The following MALRD1 variants were observed in gnomAD, a reference collection of about 807,000 sequenced individuals.
The protein encoded by MALRD1 is MAM and LDL-receptor class A domain-containing protein 1.
In MALRD1, 247 loss-of-function variants were observed where a neutral mutation model predicts 242.1. That is an observed-to-expected ratio of 1.02 (90% CI 0.92 to 1.13). The LOEUF is 1.13. MALRD1 is among the 50% of genes most tolerant of loss of function. MALRD1 has a pLI of 0.00. For synonymous variants in MALRD1, 995 were observed against 866.6 expected (o/e 1.15, Z -2.60); for missense variants, 2,989 against 2,533.1 (o/e 1.18, Z -3.86).
At chr10:19,528,963 C>T (rs530220206) in intron 31 of MALRD1, among the ~76,000 whole-genome samples, 2 of 152,218 alleles carry the variant, frequency 1.3e-5, no homozygotes, top group African/African-American at 4.8e-5. Context: ...TGTAGGAATC[C>T]TCACTGAAAC....
At chr10:19,310,951 A>T (rs1842401543) in intron 21 of MALRD1, among the ~76,000 whole-genome samples, 1 of 151,470 alleles carries the variant, frequency 6.6e-6, no homozygotes, top group Admixed American at 6.6e-5. Flanking sequence ...TGACTAATTT[A>T]CTTTTTAGTC....
In MALRD1 at chr10:19,692,540, A is replaced by G. The variant is rs1352495768; in HGVS notation, c.6300A>G (p.Arg2100=). Residue 2100 remains arginine, a synonymous_variant, in exon 38 of 40, where the codon AGA becomes AGG. Coordinates refer to ENST00000454679, the MANE Select transcript of MALRD1 (RefSeq NM_001142308.3). ...TVAVLCFLAN[R]KVPIRKTEGS... ...CAGTCTTGTGTTTTCTTGCAAACAG[A>G]AAGGTACCAATAAGGTAAGTGATGC... 2 of 1,535,412 alleles carry G rather than the reference A, an allele frequency of 1.3e-6. No homozygotes were observed. Among genetic ancestry groups the G allele is most frequent in the South Asian group, 1.2e-5 (1 of 84,018 alleles).
intron 18 of MALRD1, among the ~76,000 whole-genome samples, chr10:19,243,060 T>C (rs1838862412): frequency 1.4e-5 from 2 of 139,996 alleles, no homozygotes; most frequent in Admixed American, 7.9e-5. Flanking sequence ...TTGTTTCTTT[T>C]CCCTTTTTTT....
intron 34 of MALRD1, among the ~76,000 whole-genome samples, chr10:19,598,070 A>T (rs1258562073): frequency 6.6e-6 from 1 of 152,170 alleles, no homozygotes; most frequent in Non-Finnish European, 1.5e-5. Context: ...CCAGTGCTAT[A>T]TAACGGTACT....
chr10:19,217,787 G>T (rs533743965), intron 18 of MALRD1, among the ~76,000 whole-genome samples: 2 of 152,004 alleles, frequency 1.3e-5, no homozygotes, highest in Admixed American at 1.3e-4. Flanking sequence ...GCCTCCCAAA[G>T]TGCTGGGATT....
At chr10:19,116,899 AACCT>A (rs1397989425) in intron 5 of MALRD1, among the ~76,000 whole-genome samples, 1 of 152,072 alleles carries the variant, frequency 6.6e-6, no homozygotes, top group Non-Finnish European at 1.5e-5. Context: ...GACCAGCCTC[AACCT>A]GGCCAACATG....
At chr10:19,397,574 A>G (rs947807451) in intron 28 of MALRD1, among the ~76,000 whole-genome samples, 7 of 152,066 alleles carry the variant, frequency 4.6e-5, no homozygotes, top group African/African-American at 1.4e-4. Context: ...CAACCTATTG[A>G]TTTCATTTCC....
chr10:19,567,669 T>C lies in MALRD1; in HGVS notation c.5646T>C (p.Asp1882=). ...DGNEDIFIAL[D]DISFTPECVT... ...ATGAGGACATCTTTATTGCTCTTGATGACATCTCTTTTACCCCAGAGTGTG... is the reference window on the plus strand; with the variant it reads ...ATGAGGACATCTTTATTGCTCTTGACGACATCTCTTTTACCCCAGAGTGTG... Residue 1882 remains aspartate, a synonymous_variant, in exon 33 of 40, where the codon GAT becomes GAC. Transcript: ENST00000454679. 6 of 1,550,654 alleles carry C rather than the reference T, an allele frequency of 3.9e-6. No individual in the cohort carries two copies. The highest frequency in any genetic ancestry group is 5.2e-6 in the Non-Finnish European group (6 of 1,146,904).
intron 14 of MALRD1, among the ~76,000 whole-genome samples, chr10:19,176,895 T>C (rs578098326): frequency 6.6e-6 from 1 of 151,912 alleles, no homozygotes; most frequent in South Asian, 2.1e-4. Flanking sequence ...TGTGCATGGG[T>C]GTGTGCATGC....
chr10:19,285,019 T>C (rs1841035167), intron 21 of MALRD1, among the ~76,000 whole-genome samples: 1 of 96,690 alleles, frequency 1.0e-5, no homozygotes, highest in Non-Finnish European at 1.9e-5. Flanking sequence ...TGAGCATTTT[T>C]TCATGTGTTT....
At chr10:19,121,975 C>T (rs1030444372) in intron 5 of MALRD1, among the ~76,000 whole-genome samples, 75 of 152,118 alleles carry the variant, frequency 4.9e-4, no homozygotes, top group African/African-American at 1.8e-3. Flanking sequence ...GTCATGAATA[C>T]GAAGTCATTT....
At chr10:19,687,523 A>G (rs1029592256) in intron 36 of MALRD1, among the ~76,000 whole-genome samples, 10 of 152,124 alleles carry the variant, frequency 6.6e-5, no homozygotes, top group African/African-American at 1.9e-4. Context: ...AAACCCACTG[A>G]ATTACCTTCA....
intron 5 of MALRD1, among the ~76,000 whole-genome samples, chr10:19,120,065 A>G (rs890527372): frequency 6.6e-6 from 1 of 152,088 alleles, no homozygotes; most frequent in African/African-American, 2.4e-5. Flanking sequence ...CTGAGGTATA[A>G]TTTTATGAGT....
intron 32 of MALRD1, among the ~76,000 whole-genome samples, chr10:19,560,475 TA>T (rs1835914464): frequency 6.6e-6 from 1 of 151,482 alleles, no homozygotes; most frequent in Admixed American, 6.6e-5. Context: ...TCTGAAAAAA[TA>T]AAATAAAATA....
intron 39 of MALRD1, 133 bp from the exon 40 acceptor site, chr10:19,734,024 A>C: frequency 1.6e-6 from 1 of 639,258 alleles, no homozygotes. Flanking sequence ...CTGGAAGAAG[A>C]GTCAGGGATG....
At chr10:19,702,334 A>C (rs1166097378) in intron 38 of MALRD1, among the ~76,000 whole-genome samples, 1 of 152,170 alleles carries the variant, frequency 6.6e-6, no homozygotes, top group Non-Finnish European at 1.5e-5. Flanking sequence ...GCATATGACT[A>C]TTCATGCCCT....
At chr10:19,271,954 T>C (rs946926636) in intron 19 of MALRD1, among the ~76,000 whole-genome samples, 1 of 152,102 alleles carries the variant, frequency 6.6e-6, no homozygotes, top group African/African-American at 2.4e-5. Context: ...ACTGGAGGCT[T>C]CAAAACTATC....
At chr10:19,180,925 A>C (rs989372139) in intron 14 of MALRD1, among the ~76,000 whole-genome samples, 2 of 152,344 alleles carry the variant, frequency 1.3e-5, no homozygotes, top group South Asian at 4.1e-4. Flanking sequence ...TCTCCACAGA[A>C]GACATAAAAA....
At chr10:19,059,420 C>T (rs1352140902) in intron 1 of MALRD1, among the ~76,000 whole-genome samples, 2 of 152,090 alleles carry the variant, frequency 1.3e-5, no homozygotes, top group Non-Finnish European at 2.9e-5. Context: ...TGGATTCTTG[C>T]TCTGTTGCCC....
Sources: allele counts gnomAD v4.1 joint callset (sites outside exome capture counted in the v4.1 genomes callset), GRCh38; gene constraint gnomAD v4.1.1; transcripts MANE v1.5; gene names NCBI Gene and HGNC (gene_info 2026-07-23, HGNC 2026-07-21).